Variants in HS3ST4 observed in about 807,000 individuals in gnomAD.
HS3ST4 encodes heparan sulfate glucosamine 3-O-sulfotransferase 4.
A neutral mutation model predicts 29.2 loss-of-function variants in HS3ST4; 17 were observed. That is an observed-to-expected ratio of 0.58 (90% CI 0.40 to 0.87). HS3ST4 has a LOEUF of 0.87. HS3ST4 is among the 40% of genes least tolerant of loss of function. The pLI, the probability that HS3ST4 is intolerant of heterozygous loss-of-function variation, is 0.00. For synonymous variants in HS3ST4, 314 were observed against 285.7 expected (o/e 1.10, Z -1.00); for missense variants, 627 against 634.5 (o/e 0.99, Z 0.13).
intron 1 of HS3ST4, among the ~76,000 whole-genome samples, chr16:25,743,254 G>T (rs1036405010): frequency 6.6e-6 from 1 of 152,130 alleles, no homozygotes; most frequent in Non-Finnish European, 1.5e-5. Flanking sequence ...GTGACCTTGG[G>T]CATGTTATTA....
At chr16:25,787,198 A>C (rs1966858975) in intron 1 of HS3ST4, among the ~76,000 whole-genome samples, 1 of 152,212 alleles carries the variant, frequency 6.6e-6, no homozygotes, top group South Asian at 2.1e-4. Flanking sequence ...TCTGTGCCTG[A>C]TCTCTGTTTG....
chr16:26,013,227 G>A (rs1322782597), intron 1 of HS3ST4, among the ~76,000 whole-genome samples: 3 of 151,876 alleles, frequency 2.0e-5, no homozygotes, highest in African/African-American at 7.3e-5. Context: ...ACAAACAGAA[G>A]AACACATGGT....
intron 1 of HS3ST4, among the ~76,000 whole-genome samples, chr16:26,108,696 T>A (rs1899088463): frequency 1.3e-5 from 2 of 152,170 alleles, no homozygotes; most frequent in Non-Finnish European, 2.9e-5. Context: ...AATAGTAAGA[T>A]CTTAATAAAT....
chr16:26,067,338 A>G (rs1898554449), intron 1 of HS3ST4, among the ~76,000 whole-genome samples: 1 of 152,120 alleles, frequency 6.6e-6, no homozygotes, highest in South Asian at 2.1e-4. Flanking sequence ...GCATAATCTG[A>G]GCGCTAAAAT....
chr16:25,756,760 C>T (rs1184514646), intron 1 of HS3ST4, among the ~76,000 whole-genome samples: 2 of 152,086 alleles, frequency 1.3e-5, no homozygotes, highest in African/African-American at 4.8e-5. Flanking sequence ...TAAAGAATTA[C>T]AGTGGAGTTG....
intron 1 of HS3ST4, among the ~76,000 whole-genome samples, chr16:25,718,797 G>T (rs1261290717): frequency 6.6e-6 from 1 of 152,152 alleles, no homozygotes; most frequent in Non-Finnish European, 1.5e-5. Context: ...TATAAATTTG[G>T]AAATTATCGG....
chr16:25,901,516 C>T (rs1021461368), intron 1 of HS3ST4, among the ~76,000 whole-genome samples: 47 of 152,082 alleles, frequency 3.1e-4, no homozygotes, highest in African/African-American at 1.1e-3. Flanking sequence ...ACCAAAAATG[C>T]AAAAATTAGC....
At chr16:25,934,539 C>T (rs565908100) in intron 1 of HS3ST4, among the ~76,000 whole-genome samples, 5 of 152,166 alleles carry the variant, frequency 3.3e-5, no homozygotes, top group South Asian at 4.1e-4. Context: ...ATGGACAGGC[C>T]GAGGTGCTTT....
At chr16:26,078,299 T>A (rs3924880) in intron 1 of HS3ST4, among the ~76,000 whole-genome samples, 1 of 151,752 alleles carries the variant, frequency 6.6e-6, no homozygotes, top group Non-Finnish European at 1.5e-5. Context: ...CACGACCACA[T>A]CCAGATAGTT....
At chr16:25,832,612 T>C (rs1967315456) in intron 1 of HS3ST4, among the ~76,000 whole-genome samples, 1 of 152,194 alleles carries the variant, frequency 6.6e-6, no homozygotes, top group Non-Finnish European at 1.5e-5. Flanking sequence ...GAGGAAGAGG[T>C]TTAAAATGTA....
intron 1 of HS3ST4, among the ~76,000 whole-genome samples, chr16:25,819,160 A>G (rs1046917518): frequency 6.6e-6 from 1 of 152,184 alleles, no homozygotes; most frequent in Non-Finnish European, 1.5e-5. Context: ...GGGTGGATCC[A>G]TTGCTGGGGG....
intron 1 of HS3ST4, among the ~76,000 whole-genome samples, chr16:25,997,960 G>A (rs770208937): frequency 1.3e-5 from 2 of 152,126 alleles, no homozygotes; most frequent in African/African-American, 2.4e-5. Context: ...ATTCAGCCAG[G>A]CATGGTGATT....
At chr16:25,914,822 C>A (rs903315895) in intron 1 of HS3ST4, among the ~76,000 whole-genome samples, 1 of 151,588 alleles carries the variant, frequency 6.6e-6, no homozygotes, top group Non-Finnish European at 1.5e-5. Context: ...AAACAGGGAG[C>A]CCTGGAGGCT....
chr16:25,891,756 C>T (rs1968010727), intron 1 of HS3ST4, among the ~76,000 whole-genome samples: 2 of 152,162 alleles, frequency 1.3e-5, no homozygotes, highest in Non-Finnish European at 2.9e-5. Context: ...GGACTCTAGT[C>T]TGCCACAAGT....
chr16:25,779,679 A>T (rs898511666), intron 1 of HS3ST4, among the ~76,000 whole-genome samples: 7 of 152,234 alleles, frequency 4.6e-5, no homozygotes, highest in African/African-American at 1.7e-4. Flanking sequence ...TTCTCAGAGC[A>T]GGCACACTTA....
chr16:25,817,610 C>T (rs140740643), intron 1 of HS3ST4, among the ~76,000 whole-genome samples: 196 of 152,272 alleles, frequency 1.3e-3, no homozygotes, highest in Non-Finnish European at 2.2e-3. Context: ...GAAAGTATAA[C>T]GTGGCAGTTA....
intron 1 of HS3ST4, among the ~76,000 whole-genome samples, chr16:25,984,350 C>A (rs1969039746): frequency 6.6e-6 from 1 of 152,132 alleles, no homozygotes; most frequent in Non-Finnish European, 1.5e-5. Context: ...CAACCTAGAT[C>A]CCTCTCATGC....
rs1045476670 is a variant in HS3ST4 at position 25,692,760 on chromosome 16, C to G, written c.343C>G (p.Pro115Ala). ...NASHGEPPEP[P>A]EQPAAPGTDG... ...GAGCCACGGGGAGCCGCCCGAGCCC[C>G]CAGAGCAGCCAGCCGCCCCCGGGAC... The change falls in exon 1 of 2, where the codon CCA becomes GCA. Residue 115 changes from proline (P) to alanine (A), a missense_variant. Physicochemically the swap from Pro to Ala is conservative, Grantham distance 27 (BLOSUM62 -1). Around this residue, in one of 2 missense-constraint regions of HS3ST4, gnomAD observed 402 missense variants for 340.8 expected, o/e 1.18. Transcript: ENST00000331351. 5 of 1,339,556 alleles carry G rather than the reference C, an allele frequency of 3.7e-6. No individual in the cohort carries two copies. The highest frequency in any genetic ancestry group is 4.7e-6 in the Non-Finnish European group (5 of 1,054,054). The allele number at this position is 1,339,556 out of a possible 1,614,324, so 83.0% of individuals were successfully genotyped here. A position where few individuals can be genotyped will look rare whatever the true frequency, so the allele number is the denominator to read the frequency against.
At chr16:26,100,199 A>C (rs764058355) in intron 1 of HS3ST4, among the ~76,000 whole-genome samples, 1 of 152,198 alleles carries the variant, frequency 6.6e-6, no homozygotes, top group Non-Finnish European at 1.5e-5. Context: ...TATGCTCACT[A>C]TCTGGGTGAT....
Sources: gnomAD v4.1 joint callset for allele counts (sites outside exome capture counted in the v4.1 genomes callset) on GRCh38, gnomAD v4.1.1 for gene constraint, gnomAD v4.1.1 regional missense constraint, MANE v1.5 for transcripts, NCBI Gene and HGNC (gene_info 2026-07-23, HGNC 2026-07-21) for gene names.